Variants in ZNF33B observed in about 807,000 individuals in gnomAD.
ZNF33B encodes the protein zinc finger protein 33B.
A neutral mutation model predicts 45.8 loss-of-function variants in ZNF33B; 29 were observed. The observed-to-expected ratio is 0.63, with a 90% CI of 0.47 to 0.86. ZNF33B has a LOEUF of 0.86. ZNF33B is among the 40% of genes least tolerant of loss of function. ZNF33B has a pLI of 0.00. For synonymous variants in ZNF33B, 305 were observed against 307.8 expected (o/e 0.99, Z 0.10); for missense variants, 831 against 909.9 (o/e 0.91, Z 1.12).
chr10:42,587,105 T>C (rs2132020881), downstream of ZNF33B, among the ~76,000 whole-genome samples: 1 of 152,270 alleles, frequency 6.6e-6, no homozygotes, highest in Admixed American at 6.5e-5. Context: ...TCACTAATCA[T>C]TCATGAGGTG....
At chr10:42,629,435 T>G (rs1159684000) in intron 4 of ZNF33B, among the ~76,000 whole-genome samples, 1 of 152,204 alleles carries the variant, frequency 6.6e-6, no homozygotes, top group Non-Finnish European at 1.5e-5. Flanking sequence ...CATTTTAAAG[T>G]GACTAAAAGA....
intron 4 of ZNF33B, among the ~76,000 whole-genome samples, chr10:42,596,476 T>C (rs1837404550): frequency 1.3e-5 from 2 of 152,284 alleles, no homozygotes; most frequent in African/African-American, 4.8e-5. Flanking sequence ...AATTACATAC[T>C]CAATTACTAC....
intron 4 of ZNF33B, among the ~76,000 whole-genome samples, chr10:42,598,555 G>T (rs536807596): frequency 6.6e-6 from 1 of 152,186 alleles, no homozygotes; most frequent in East Asian, 1.9e-4. Context: ...TACAAATCAC[G>T]AGTTCAAAGA....
Position 42,591,370 on chromosome 10 carries a change from T to A in ZNF33B, c.*1243A>T. 2.5e-6 allele frequency: 1 copy of A among 396,002 alleles called. No individual in the cohort carries two copies. The highest frequency in any genetic ancestry group is 3.4e-6 in the Non-Finnish European group (1 of 291,308). The allele number at this position is 396,002 out of a possible 1,614,324, so 24.5% of individuals were successfully genotyped here. On this transcript the variant is annotated 3_prime_UTR_variant, in exon 5 of 5. Transcript: ENST00000359467. ...ATGGCATGGGATGAGCCACAGGTAG[T>A]AAGAGAAAGGGAGTAACATGGAGGC...
chr10:42,638,403 G>GC, intron 1 of ZNF33B, 71 bp downstream of exon 1: 1 of 351,940 alleles, frequency 2.8e-6, no homozygotes. Context: ...CCTGGCACTG[G>GC]CCCCCGGCTG....
rs1235195055 is a variant in ZNF33B at position 42,636,986 on chromosome 10, A to C, written c.-44-14T>G. 10 of 1,613,520 alleles carry C rather than the reference A, an allele frequency of 6.2e-6. No homozygotes were observed. The highest frequency in any genetic ancestry group is 8.5e-6 in the Non-Finnish European group (10 of 1,179,804). ...CTGAAGATACAGCTGAGTTGGAAAA[A>C]GAGGAATGGGGTCATGAAAGATTTG... On this transcript the variant is annotated splice_polypyrimidine_tract_variant and intron_variant, in intron 1 of 4. Coordinates refer to ENST00000359467, the MANE Select transcript of ZNF33B (RefSeq NM_006955.3).
intron 4 of ZNF33B, among the ~76,000 whole-genome samples, chr10:42,602,840 C>T (rs773711077): frequency 2.0e-5 from 3 of 146,770 alleles, no homozygotes; most frequent in Non-Finnish European, 4.6e-5. Context: ...TTATTTCACT[C>T]ATTTCCTCAT....
chr10:42,626,809 T>C (rs1419890518), intron 4 of ZNF33B, among the ~76,000 whole-genome samples: 2 of 152,274 alleles, frequency 1.3e-5, no homozygotes, highest in South Asian at 2.1e-4. Flanking sequence ...GGTAGAATTC[T>C]CTAGTGAGAA....
downstream of ZNF33B, among the ~76,000 whole-genome samples, chr10:42,587,051 G>A (rs1836949943): frequency 6.6e-6 from 1 of 152,024 alleles, no homozygotes; most frequent in Non-Finnish European, 1.5e-5. Context: ...GAAAGGAGAG[G>A]GGCAAAAAGG....
intron 4 of ZNF33B, among the ~76,000 whole-genome samples, chr10:42,611,412 A>G (rs1838091799): frequency 6.6e-6 from 1 of 152,206 alleles, no homozygotes; most frequent in African/African-American, 2.4e-5. Context: ...ATTTGTATGA[A>G]AAACAACCAA....
chr10:42,607,354 G>C (rs949603124), intron 4 of ZNF33B, among the ~76,000 whole-genome samples: 7 of 151,002 alleles, frequency 4.6e-5, no homozygotes, highest in African/African-American at 1.5e-4. Context: ...CAAACATAGA[G>C]AGTGGAATGA....
At chr10:42,613,216 G>A (rs1838172735) in intron 4 of ZNF33B, among the ~76,000 whole-genome samples, 1 of 152,006 alleles carries the variant, frequency 6.6e-6, no homozygotes. Context: ...AACAATTCTG[G>A]CAGTGCTATA....
chr10:42,582,664 T>C lies in ZNF33B; in HGVS notation c.74-7986A>G, dbSNP rs538312472. 7.6e-5 allele frequency: 12 copies of C among 157,564 alleles called. No individual in the cohort carries two copies. The South Asian group carries it at 1.5e-3, about 20-fold the overall frequency. 9.8% of individuals were successfully genotyped at this position (157,564 alleles called of 1,614,324 possible). ...AGTGATTCTTGGTGTTGAGCTCAAATAGATACTTAAAATTATGTAGACTAA... is the reference window on the plus strand; with the variant it reads ...AGTGATTCTTGGTGTTGAGCTCAAACAGATACTTAAAATTATGTAGACTAA... On this transcript the variant is annotated intron_variant, in intron 1 of 1. Transcript: ENST00000462075.
At chr10:42,620,958 A>G (rs1564520377) in intron 4 of ZNF33B, among the ~76,000 whole-genome samples, 1 of 152,140 alleles carries the variant, frequency 6.6e-6, no homozygotes, top group Non-Finnish European at 1.5e-5. Flanking sequence ...CTATATATGT[A>G]CCAAGCAGCA....
chr10:42,575,442 G>A (rs1191725719), intron 1 of ZNF33B, among the ~76,000 whole-genome samples: 1 of 152,104 alleles, frequency 6.6e-6, no homozygotes, highest in South Asian at 2.1e-4. Flanking sequence ...TGCACTACTA[G>A]CTCCGAGAAC....
At position 42,589,992 on chromosome 10, in the gene ZNF33B, T is replaced by A. The variant is rs1837045016; in HGVS notation, c.*2621A>T. On this transcript the variant is annotated 3_prime_UTR_variant, in exon 5 of 5. Coordinates refer to ENST00000359467, the MANE Select transcript of ZNF33B (RefSeq NM_006955.3). ...CTGTATTCCTTCTGTGTTGAGAGGT[T>A]TTATCATGAATGGATATTGGATTTT... The A allele has an allele frequency of 6.6e-6, 1 of 152,224 alleles. No homozygotes were observed. The highest frequency in any genetic ancestry group is 2.1e-4 in the South Asian group (1 of 4,834). The allele number at this position is 152,224 out of a possible 1,614,324, so 9.4% of individuals were successfully genotyped here.
Position 42,593,478 on chromosome 10 carries a change from T to A in ZNF33B, c.1472A>T (p.His491Leu), listed in dbSNP as rs1387570038. The A allele has an allele frequency of 3.1e-6, 5 of 1,613,990 alleles. No homozygotes were observed. The highest frequency in any genetic ancestry group is 4.2e-6 in the Non-Finnish European group (5 of 1,179,994). The part of the protein sequence containing the change: ...KSHLTQHQRT[H>L]IGDKPYECNA... ...ACATTCATAAGGTTTATCTCCTATGTGAGTTCTCTGATGCTGTGTAAGATG... is the reference window on the plus strand; with the variant it reads ...ACATTCATAAGGTTTATCTCCTATGAGAGTTCTCTGATGCTGTGTAAGATG... Residue 491 changes from histidine to leucine, a missense_variant, in exon 5 of 5, where the codon CAC becomes CTC. Transcript: ENST00000359467.
chr10:42,622,415 A>G (rs1391740561), intron 4 of ZNF33B, among the ~76,000 whole-genome samples: 3 of 152,230 alleles, frequency 2.0e-5, no homozygotes, highest in Non-Finnish European at 2.9e-5. Context: ...AGAGGACTCA[A>G]AACGTCCAAT....
In ZNF33B at chr10:42,592,470, C is replaced by G; in HGVS notation, c.*143G>C. 1 of 1,193,856 alleles carries G rather than the reference C, an allele frequency of 8.4e-7. No individual in the cohort carries two copies. 74.0% of individuals were successfully genotyped at this position (1,193,856 alleles called of 1,614,324 possible). A position where few individuals can be genotyped will look rare whatever the true frequency, so the allele number is the denominator to read the frequency against. On this transcript the variant is annotated 3_prime_UTR_variant, in exon 5 of 5. Transcript: ENST00000359467. The stretch of plus-strand genomic sequence containing the variant: ...GTTGTTGTAGTCTATGGGTTTATCC[C>G]CTACTGTTACTTTGGAGTAACATAA...
Sources: allele counts gnomAD v4.1 joint callset (sites outside exome capture counted in the v4.1 genomes callset), GRCh38; gene constraint gnomAD v4.1.1; transcripts MANE v1.5; gene names NCBI Gene and HGNC (gene_info 2026-07-23, HGNC 2026-07-21).